Variants in LAMB4 observed in about 807,000 individuals in gnomAD.
The protein encoded by LAMB4 is laminin subunit beta 4, also known as laminin subunit beta-4.
In LAMB4, 196 loss-of-function variants were observed where a neutral mutation model predicts 199.2. The ratio of observed to expected loss-of-function variants is 0.98; its 90% CI spans 0.88 to 1.11. The LOEUF (loss-of-function observed/expected upper bound fraction) is 1.11. LAMB4 is among the 50% of genes least tolerant of loss of function. The pLI is 0.00. For missense variants in LAMB4, 2,080 were observed against 2,171.2 expected (o/e 0.96, Z 0.83); for synonymous variants, 744 against 770.6 (o/e 0.97, Z 0.57).
chr7:108,063,659 G>C, intron 22 of LAMB4, 102 bp downstream of exon 22: 1 of 1,041,566 alleles, frequency 9.6e-7, no homozygotes, highest in Non-Finnish European at 1.5e-6. Context: ...GCTTTTGCCT[G>C]CTGGGACTGG....
At chr7:108,079,501 C>G in intron 15 of LAMB4, 100 bp downstream of exon 15, 1 of 1,035,390 alleles carries the variant, frequency 9.7e-7, no homozygotes, top group Non-Finnish European at 1.4e-6. Flanking sequence ...TTTACAAATC[C>G]TTTTCTGATG....
At chr7:108,016,671 T>G in the LAMB4 span, among the ~76,000 whole-genome samples, 1 of 152,234 alleles carries the variant, frequency 6.6e-6, no homozygotes, top group South Asian at 2.1e-4. Context: ...CTGCATCTAG[T>G]GTCTCTAAAA....
At chr7:108,096,630 T>C (rs544562493) in intron 11 of LAMB4, among the ~76,000 whole-genome samples, 28 of 152,184 alleles carry the variant, frequency 1.8e-4, no homozygotes, top group African/African-American at 5.8e-4. Flanking sequence ...ATGTAAATTA[T>C]ATTCAATAAA....
At chr7:108,102,447 G>A (rs952622815) in intron 10 of LAMB4, among the ~76,000 whole-genome samples, 3 of 152,168 alleles carry the variant, frequency 2.0e-5, no homozygotes, top group East Asian at 1.9e-4. Flanking sequence ...AGCAAGGAGG[G>A]TAGACAAATG....
chr7:108,118,533 G>C (rs545287680), intron 2 of LAMB4, among the ~76,000 whole-genome samples: 10 of 152,198 alleles, frequency 6.6e-5, no homozygotes, highest in African/African-American at 2.4e-4. Context: ...AGGAAGAACA[G>C]CCTTTTCAAT....
At chr7:108,100,555 A>C (rs1462711731) in intron 10 of LAMB4, among the ~76,000 whole-genome samples, 2 of 152,214 alleles carry the variant, frequency 1.3e-5, no homozygotes, top group Non-Finnish European at 2.9e-5. Flanking sequence ...ATGACTTCTT[A>C]CTTTCATACC....
intron 30 of LAMB4, among the ~76,000 whole-genome samples, chr7:108,034,959 C>T (rs1053807680): frequency 1.3e-5 from 2 of 152,144 alleles, no homozygotes; most frequent in South Asian, 4.1e-4. Context: ...AAGAATGTAC[C>T]GAGGGAGTGA....
intron 2 of LAMB4, among the ~76,000 whole-genome samples, chr7:108,118,364 A>G (rs897155942): frequency 1.3e-5 from 2 of 152,182 alleles, no homozygotes; most frequent in African/African-American, 4.8e-5. Flanking sequence ...GAATAGCTCT[A>G]TTCAATATGA....
intron 31 of LAMB4, 92 bp from the exon 32 acceptor site, chr7:108,031,071 G>T: frequency 9.9e-7 from 1 of 1,012,180 alleles, no homozygotes; most frequent in South Asian, 2.0e-5. Flanking sequence ...AAATATGCTG[G>T]GTGTAAAGGA....
At chr7:108,079,483 G>T in intron 15 of LAMB4, 118 bp downstream of exon 15, 1 of 876,640 alleles carries the variant, frequency 1.1e-6, no homozygotes. Context: ...CTCCCCAGAT[G>T]TTCACTTTTT....
At chr7:108,056,339 T>C (rs991784337) in intron 24 of LAMB4, among the ~76,000 whole-genome samples, 57 of 152,218 alleles carry the variant, frequency 3.7e-4, no homozygotes, top group African/African-American at 1.4e-3. Context: ...AACTCTGCTG[T>C]TACAGCCTCC....
At chr7:108,020,200 T>C (rs1039805522), downstream of LAMB4, among the ~76,000 whole-genome samples, 4 of 151,700 alleles carry the variant, frequency 2.6e-5, no homozygotes, top group African/African-American at 7.3e-5. Context: ...ATTAAGAAAA[T>C]GATTAGATTG....
intron 6 of LAMB4, among the ~76,000 whole-genome samples, 189 bp downstream of exon 6, chr7:108,107,442 G>A (rs1450044996): frequency 6.6e-6 from 1 of 152,196 alleles, no homozygotes; most frequent in Non-Finnish European, 1.5e-5. Flanking sequence ...GCACTCTTGT[G>A]CAGGATTGCT....
In LAMB4 at chr7:108,023,987, T is replaced by C; in HGVS notation, c.*52A>G. 6.6e-7 allele frequency: 1 copy of C among 1,518,634 alleles called. No homozygotes were observed. Among genetic ancestry groups the C allele is most frequent in the Non-Finnish European group, 8.9e-7 (1 of 1,128,154 alleles). The allele number at this position is 1,518,634 out of a possible 1,614,324, so 94.1% of individuals were successfully genotyped here. A position where few individuals can be genotyped will look rare whatever the true frequency, so the allele number is the denominator to read the frequency against. ...CAGGTTCAACAGAGCCCCAGGGGCT[T>C]GTACATCAGAAACCAGAAACAAAGG... On this transcript the variant is annotated 3_prime_UTR_variant, in exon 34 of 34. Transcript: ENST00000388781.
downstream of LAMB4, among the ~76,000 whole-genome samples, chr7:108,018,733 T>C (rs1037729652): frequency 6.6e-6 from 1 of 152,082 alleles, no homozygotes; most frequent in African/African-American, 2.4e-5. Context: ...GAGGCCCTCC[T>C]ACACAGTCTG....
chr7:108,026,857 T>C lies in LAMB4; in HGVS notation c.5146+2186A>G, dbSNP rs750623279. On this transcript the variant is annotated intron_variant, in intron 33 of 33. Transcript: ENST00000388781. ...TTCCGCCCCTTCTCAAGTGGCAGCATGGGGAAGACAGCCAAATCAATGTCT... is the reference window on the plus strand; with the variant it reads ...TTCCGCCCCTTCTCAAGTGGCAGCACGGGGAAGACAGCCAAATCAATGTCT... 93 of 515,838 alleles carry C rather than the reference T, an allele frequency of 1.8e-4. 1 individual carries two copies. The Middle Eastern group carries it at 0.014, about 80-fold the overall frequency. The allele number at this position is 515,838 out of a possible 1,614,324, so 32.0% of individuals were successfully genotyped here.
intron 11 of LAMB4, among the ~76,000 whole-genome samples, chr7:108,097,217 T>C (rs910144021): frequency 2.6e-5 from 4 of 152,192 alleles, no homozygotes; most frequent in African/African-American, 7.2e-5. Context: ...GTTCCTTATA[T>C]GGGCAAAAAT....
intron 11 of LAMB4, among the ~76,000 whole-genome samples, chr7:108,096,534 G>T (rs1379322761): frequency 6.6e-6 from 1 of 152,056 alleles, no homozygotes; most frequent in African/African-American, 2.4e-5. Flanking sequence ...TTCTTTTGTG[G>T]GGGGATGAAA....
At chr7:108,015,638 T>C in the LAMB4 span, among the ~76,000 whole-genome samples, 1 of 152,158 alleles carries the variant, frequency 6.6e-6, no homozygotes, top group Non-Finnish European at 1.5e-5. Context: ...AAATAAATTG[T>C]TTTGAATAAA....
Sources: gnomAD v4.1 joint callset for allele counts (sites outside exome capture counted in the v4.1 genomes callset) on GRCh38, gnomAD v4.1.1 for gene constraint, MANE v1.5 for transcripts, NCBI Gene and HGNC (gene_info 2026-07-23, HGNC 2026-07-21) for gene names.